The following MYH10 variants were observed in gnomAD, a reference collection of about 807,000 sequenced individuals.
MYH10 encodes the protein myosin-10.
Under a neutral mutation model 257.8 loss-of-function variants are expected in MYH10, and 55 were observed. The ratio of observed to expected loss-of-function variants is 0.21; its 90% CI spans 0.17 to 0.27. The LOEUF is 0.27. Ranked by LOEUF, MYH10 falls within the 10% of genes least tolerant of loss-of-function variation. The probability of loss-of-function intolerance (pLI) is 1.00; values close to 1 mark genes in which losing one functional copy is unlikely to be tolerated. For missense variants in MYH10, 1,631 were observed against 2,500.6 expected, an observed-to-expected ratio of 0.65 and a Z score of 7.42; for synonymous variants, 854 against 921.7, an observed-to-expected ratio of 0.93 and a Z score of 1.33.
At chr17:8,492,054 A>C (rs1915856072) in intron 34 of MYH10, among the ~76,000 whole-genome samples, 1 of 152,234 alleles carries the variant, frequency 6.6e-6, no homozygotes, top group Non-Finnish European at 1.5e-5. Context: ...TGAAAGGACA[A>C]GAAGAAACAT....
chr17:8,561,201 G>C (rs2082981184), intron 7 of MYH10: 3 of 735,286 alleles, frequency 4.1e-6, no homozygotes, highest in Non-Finnish European at 7.4e-6. Context: ...AAGATTTGGG[G>C]CCTCTCCTCT....
chr17:8,589,882 A>T (rs1342784254), intron 3 of MYH10, among the ~76,000 whole-genome samples: 1 of 152,202 alleles, frequency 6.6e-6, no homozygotes, highest in Non-Finnish European at 1.5e-5. Flanking sequence ...TACTATCCCT[A>T]TTTCACAGAT....
At chr17:8,602,724 G>T (rs1273469384) in intron 3 of MYH10, among the ~76,000 whole-genome samples, 1 of 152,128 alleles carries the variant, frequency 6.6e-6, no homozygotes, top group Non-Finnish European at 1.5e-5. Flanking sequence ...ATAAGAATGT[G>T]TCACACTGCC....
chr17:8,606,852 T>C (rs1431306), intron 2 of MYH10, among the ~76,000 whole-genome samples: 2,846 of 152,310 alleles, frequency 0.019, 94 homozygotes, highest in African/African-American at 0.065. Flanking sequence ...CTAATTACTA[T>C]AGACTCCTCA....
chr17:8,563,801 G>A (rs1407610042), intron 7 of MYH10, among the ~76,000 whole-genome samples: 4 of 151,544 alleles, frequency 2.6e-5, no homozygotes, highest in African/African-American at 9.7e-5. Flanking sequence ...GATGCCTAGA[G>A]CCCTTACCTA....
In MYH10 at chr17:8,477,827, C is replaced by G. The variant is rs751116488; in HGVS notation, c.5706+511G>C. Among the ~76,000 whole-genome samples, 1 of 152,206 alleles carries G rather than the reference C, an allele frequency of 6.6e-6. No homozygotes were observed. The highest frequency in any genetic ancestry group is 1.5e-5 in the Non-Finnish European group (1 of 68,036). On this transcript the variant is annotated intron_variant, in intron 41 of 42. Coordinates refer to ENST00000360416, the MANE Select transcript of MYH10 (RefSeq NM_001256012.3). The surrounding 1 kb of genome is among the most constrained non-coding windows in gnomAD (Gnocchi z 4.2). ...ATAGCTGCCCACGCTGCAATCAGGG[C>G]AGGCCTGACCCACAGTTCAAAGTCC...
chr17:8,510,588 G>C (rs893595816), intron 24 of MYH10, among the ~76,000 whole-genome samples: 1 of 152,056 alleles, frequency 6.6e-6, no homozygotes, highest in Non-Finnish European at 1.5e-5. Flanking sequence ...ATTAAATGTT[G>C]GCACATTTGT....
chr17:8,616,326 A>G (rs1479291123), intron 2 of MYH10, among the ~76,000 whole-genome samples: 3 of 152,138 alleles, frequency 2.0e-5, no homozygotes, highest in Non-Finnish European at 4.4e-5. Flanking sequence ...AAAACTCATT[A>G]TTTGTGGACA....
At chr17:8,501,978 C>T (rs73246590) in intron 28 of MYH10, among the ~76,000 whole-genome samples, 2,249 of 152,252 alleles carry the variant, frequency 0.015, 55 homozygotes, top group African/African-American at 0.051. Flanking sequence ...TGTTTAAGCA[C>T]GAGCTTGATG....
Position 8,492,506 on chromosome 17 carries a change from A to G in MYH10, c.4462T>C (p.Leu1488=), listed in dbSNP as rs771714020. The change falls in exon 34 of 43, where the codon TTA becomes CTA. Residue 1488 remains leucine, a synonymous_variant. Coordinates refer to ENST00000360416, the MANE Select transcript of MYH10 (RefSeq NM_001256012.3). ...EKKQKKFDQL[L]AEEKSISARY... is the part of the protein sequence containing the mutation. ...GCAGAGATGCTCTTCTCTTCTGCTAACAGCTGTGCAGAAGGGGATGGGGGA... is the reference window on the plus strand; with the variant it reads ...GCAGAGATGCTCTTCTCTTCTGCTAGCAGCTGTGCAGAAGGGGATGGGGGA... 1.4e-5 allele frequency: 22 copies of G among 1,610,492 alleles called. No homozygotes were observed. Among genetic ancestry groups the G allele is most frequent in the Non-Finnish European group, 1.9e-5 (22 of 1,179,040 alleles).
In MYH10 at chr17:8,548,637, C is replaced by A; in HGVS notation, c.1063+7G>T. 1 of 1,613,804 alleles carries A rather than the reference C, an allele frequency of 6.2e-7. No homozygotes were observed. Among genetic ancestry groups the A allele is most frequent in the Non-Finnish European group, 8.5e-7 (1 of 1,179,886 alleles). ...GAGTACCAGAATCTTAGAGAAATCA[C>A]ACATACACAGAATCTCTTCATGGGA... On this transcript the variant is annotated splice_region_variant and intron_variant, in intron 10 of 42. Transcript: ENST00000360416.
chr17:8,628,566 C>T (rs1431018722), intron 1 of MYH10, among the ~76,000 whole-genome samples: 4 of 152,160 alleles, frequency 2.6e-5, no homozygotes, highest in African/African-American at 9.7e-5. Flanking sequence ...GGTACTGCTA[C>T]CATTGAGGTC....
Position 8,481,386 on chromosome 17 carries a change from G to A in MYH10, c.5200C>T (p.Arg1734Cys), listed in dbSNP as rs1390882584. The A allele has an allele frequency of 8.7e-6, 14 of 1,614,068 alleles. No homozygotes were observed. Among genetic ancestry groups the A allele is most frequent in the East Asian group, 4.5e-5 (2 of 44,890 alleles). ...TCTCTCTCCTGCTCGGCGTGTCGGC[G>A]GGCTCGCTCAGATGAGGCAAGTTCC... ...QEELASSERA[R>C]RHAEQERDEL... Residue 1734 changes from arginine (R) to cysteine (C), a missense_variant, in exon 38 of 43, where the codon CGC becomes TGC. By Grantham distance (180) the Arg-to-Cys change is radical. Coordinates refer to ENST00000360416, the MANE Select transcript of MYH10 (RefSeq NM_001256012.3).
chr17:8,526,208 T>C (rs1050820841), intron 17 of MYH10, among the ~76,000 whole-genome samples: 4 of 152,220 alleles, frequency 2.6e-5, no homozygotes, highest in African/African-American at 7.2e-5. Flanking sequence ...TAATAATGTA[T>C]GATTTCACTC....
chr17:8,545,437 G>A lies in MYH10; in HGVS notation c.1431+11C>T. On this transcript the variant is annotated intron_variant, in intron 13 of 42. Coordinates refer to ENST00000360416, the MANE Select transcript of MYH10 (RefSeq NM_001256012.3). This position sits in a 1 kb window ranked among gnomAD's most constrained non-coding sequence, Gnocchi z 4.7. ...AAGAAGGACGAGCTAGAGGAAGAGG[G>A]GGAAGAATACCTCAAAAATTTCAAA... 1.2e-6 allele frequency: 2 copies of A among 1,612,760 alleles called. No homozygotes were observed. Among genetic ancestry groups the A allele is most frequent in the East Asian group, 2.2e-5 (1 of 44,870 alleles).
At chr17:8,513,690 T>G (rs762373872) in intron 22 of MYH10, 21 bp from the exon 23 acceptor site, 1 of 947,046 alleles carries the variant, frequency 1.1e-6, no homozygotes, top group East Asian at 4.1e-5. Context: ...ATTAAGCAGT[T>G]TTTTTTTTTT....
Position 8,569,903 on chromosome 17 carries a change from G to A in MYH10, c.664-91C>T. Reference sequence around the variant, plus strand: ...CATCAGGGGAAAAATTTCTAAAAAAGAAACTGCATCTTTTCCTCAGTTCTT... The same window carrying A: ...CATCAGGGGAAAAATTTCTAAAAAAAAAACTGCATCTTTTCCTCAGTTCTT... On this transcript the variant is annotated intron_variant, in intron 6 of 42. Coordinates refer to ENST00000360416, the MANE Select transcript of MYH10 (RefSeq NM_001256012.3). This position sits in a 1 kb window ranked among gnomAD's most constrained non-coding sequence, Gnocchi z 4.1. The A allele has an allele frequency of 1.1e-6, 1 of 909,884 alleles. No individual in the cohort carries two copies. The highest frequency in any genetic ancestry group is 1.6e-6 in the Non-Finnish European group (1 of 614,132). The allele number at this position is 909,884 out of a possible 1,614,324, so 56.4% of individuals were successfully genotyped here. A position where few individuals can be genotyped will look rare whatever the true frequency, so the allele number is the denominator to read the frequency against.
chr17:8,506,252 C>T lies in MYH10; in HGVS notation c.3386+66G>A, dbSNP rs2081070883. 1.3e-6 allele frequency: 2 copies of T among 1,482,976 alleles called. No homozygotes were observed. Among genetic ancestry groups the T allele is most frequent in the Middle Eastern group, 1.9e-4 (1 of 5,360 alleles). The allele number at this position is 1,482,976 out of a possible 1,614,324, so 91.9% of individuals were successfully genotyped here. A position where few individuals can be genotyped will look rare whatever the true frequency, so the allele number is the denominator to read the frequency against. The stretch of plus-strand genomic sequence containing the variant: ...CCCAGGGTTTTTGAATGCTCCCGAA[C>T]ATAACAAAGTCTGCTGAAACTCAGC... On this transcript the variant is annotated intron_variant, in intron 27 of 42. Coordinates refer to ENST00000360416, the MANE Select transcript of MYH10 (RefSeq NM_001256012.3). This position sits in a 1 kb window ranked among gnomAD's most constrained non-coding sequence, Gnocchi z 5.0.
chr17:8,627,225 C>T (rs187273424), intron 1 of MYH10, among the ~76,000 whole-genome samples: 308 of 152,142 alleles, frequency 2.0e-3, no homozygotes, highest in Non-Finnish European at 3.5e-3. Context: ...GTCTCTTCTA[C>T]AACTAAACAC....
Sources: gnomAD v4.1 joint callset for allele counts (sites outside exome capture counted in the v4.1 genomes callset) on GRCh38, gnomAD v4.1.1 for gene constraint, Gnocchi (gnomAD v3.1) non-coding constraint, MANE v1.5 for transcripts, NCBI Gene and HGNC (gene_info 2026-07-23, HGNC 2026-07-21) for gene names.